PIK3R1: variants seen among roughly 807,000 people sequenced by gnomAD.
The protein encoded by PIK3R1 is phosphatidylinositol 3-kinase regulatory subunit alpha.
A neutral mutation model predicts 98.0 loss-of-function variants in PIK3R1; 29 were observed. That is an observed-to-expected ratio of 0.30 (90% CI 0.22 to 0.40). The LOEUF (loss-of-function observed/expected upper bound fraction) is 0.40, where lower values mean the gene tolerates loss of function less well. PIK3R1 is among the 10% of genes least tolerant of loss of function. The probability of loss-of-function intolerance (pLI) is 1.00; values close to 1 mark genes in which losing one functional copy is unlikely to be tolerated. For synonymous variants in PIK3R1, 282 were observed against 311.8 expected (o/e 0.90, Z 1.01); for missense variants, 596 against 872.7 (o/e 0.68, Z 3.99).
In PIK3R1 at chr5:68,301,424, A is replaced by ATT. The variant is rs1419781409; in HGVS notation, c.*3824_*3825insTT. 1 of 84,850 alleles carries ATT rather than the reference A, an allele frequency of 1.2e-5. No homozygotes were observed. The highest frequency in any genetic ancestry group is 5.2e-5 in the African/African-American group (1 of 19,172). The allele number at this position is 84,850 out of a possible 1,614,324, so 5.3% of individuals were successfully genotyped here. A position where few individuals can be genotyped will look rare whatever the true frequency, so the allele number is the denominator to read the frequency against. On this transcript the variant is annotated 3_prime_UTR_variant, in exon 16 of 16. Transcript: ENST00000521381. ...TATATATATATATATATATATATAT[A>ATT]TATATATATGTGTGTGTATATATAT...
At chr5:68,292,004 A>G (rs774211934) in intron 7 of PIK3R1, 11 of 312,198 alleles carry the variant, frequency 3.5e-5, no homozygotes, top group Non-Finnish European at 5.9e-5. Flanking sequence ...ATTTATTCAC[A>G]TGGCCAGCCC....
rs567912914 is a variant in PIK3R1, at chr5:68,252,307, T to G, written c.335-21083T>G. Among the ~76,000 whole-genome samples the G allele has an allele frequency of 1.2e-4, 18 of 151,940 alleles. No individual in the cohort carries two copies. The South Asian group carries it at 3.5e-3, about 30-fold the overall frequency. On this transcript the variant is annotated intron_variant, in intron 2 of 15. Coordinates refer to ENST00000521381, the MANE Select transcript of PIK3R1 (RefSeq NM_181523.3). The stretch of plus-strand genomic sequence containing the variant: ...ATTACTCCGCTGCCTTAGGAGATGC[T>G]GTTTAAGTTGGCAGATATGCTTATT...
intron 7 of PIK3R1, among the ~76,000 whole-genome samples, chr5:68,290,185 CAGG>C (rs1379747271): frequency 2.6e-5 from 4 of 152,094 alleles, no homozygotes; most frequent in Admixed American, 2.0e-4. Flanking sequence ...ACTAAAATAC[CAGG>C]AGTAGTCCGT....
chr5:68,235,258 C>T (rs1176305432), intron 2 of PIK3R1, among the ~76,000 whole-genome samples: 1 of 151,872 alleles, frequency 6.6e-6, no homozygotes, highest in Non-Finnish European at 1.5e-5. Flanking sequence ...CAAAAATTAG[C>T]TGGGTGTGAT....
At chr5:68,262,493 T>C (rs1490730501) in intron 2 of PIK3R1, among the ~76,000 whole-genome samples, 1 of 140,146 alleles carries the variant, frequency 7.1e-6, no homozygotes, top group African/African-American at 2.6e-5. Context: ...TCTATATGTA[T>C]ACATATATCT....
chr5:68,268,401 T>A (rs1348942972), intron 2 of PIK3R1, among the ~76,000 whole-genome samples: 1 of 152,166 alleles, frequency 6.6e-6, no homozygotes, highest in Non-Finnish European at 1.5e-5. Flanking sequence ...AAGTTCAGGG[T>A]GTTAATCATT....
intron 2 of PIK3R1, among the ~76,000 whole-genome samples, chr5:68,257,274 CT>C (rs763260435): frequency 2.0e-5 from 3 of 152,242 alleles, no homozygotes; most frequent in South Asian, 2.1e-4. Context: ...TTCACCCTGT[CT>C]TGTCTACCAA....
chr5:68,259,859 G>A (rs1359881880), intron 2 of PIK3R1, among the ~76,000 whole-genome samples: 1 of 152,104 alleles, frequency 6.6e-6, no homozygotes, highest in Non-Finnish European at 1.5e-5. Flanking sequence ...CTCTTGGAAG[G>A]GAGCTGCCTT....
At chr5:68,228,567 GATAC>G (rs1323744030) in intron 2 of PIK3R1, among the ~76,000 whole-genome samples, 8 of 152,234 alleles carry the variant, frequency 5.3e-5, no homozygotes, top group African/African-American at 1.9e-4. Context: ...GCAGATTGAA[GATAC>G]ATACGTAATC....
chr5:68,282,256 A>G (rs1056240309), intron 7 of PIK3R1, among the ~76,000 whole-genome samples: 6 of 152,194 alleles, frequency 3.9e-5, no homozygotes, highest in African/African-American at 1.4e-4. Context: ...GTGAGTACAC[A>G]GGTCACTGTG....
intron 2 of PIK3R1, among the ~76,000 whole-genome samples, chr5:68,227,982 C>G (rs1025125385): frequency 6.6e-6 from 1 of 152,246 alleles, no homozygotes; most frequent in Non-Finnish European, 1.5e-5. Context: ...AAGCCTTATG[C>G]TCAGCTTTGC....
chr5:68,236,500 C>T (rs539279775), intron 2 of PIK3R1, among the ~76,000 whole-genome samples: 3 of 152,218 alleles, frequency 2.0e-5, no homozygotes, highest in Admixed American at 1.3e-4. Flanking sequence ...CCGCCCACCT[C>T]GGCCTCCCAA....
chr5:68,217,138 A>G (rs1743915729), intron 1 of PIK3R1, among the ~76,000 whole-genome samples: 1 of 152,138 alleles, frequency 6.6e-6, no homozygotes, highest in African/African-American at 2.4e-5. Context: ...CGAAGTACCA[A>G]TGGATAAAGC....
At chr5:68,269,698 T>C (rs1746268418) in intron 2 of PIK3R1, among the ~76,000 whole-genome samples, 1 of 152,206 alleles carries the variant, frequency 6.6e-6, no homozygotes, top group Admixed American at 6.5e-5. Flanking sequence ...AAAATTAATA[T>C]TTTGTTTTAA....
intron 10 of PIK3R1, 53 bp downstream of exon 10, chr5:68,293,536 TAATACTTAGAAAACATTTGA>T (rs1747506574): frequency 7.0e-7 from 1 of 1,423,792 alleles, no homozygotes; most frequent in African/African-American, 1.4e-5. Flanking sequence ...AAGATCCTTT[TAATACTTAGAAAACATTTGA>T]AGCAGATGAA....
At chr5:68,296,373 C>T (rs1321134966) in intron 15 of PIK3R1, 32 bp downstream of exon 15, 1 of 1,575,712 alleles carries the variant, frequency 6.3e-7, no homozygotes, top group Non-Finnish European at 8.7e-7. Flanking sequence ...TTCTTTACAA[C>T]ATCTCATGAA....
intron 11 of PIK3R1, among the ~76,000 whole-genome samples, chr5:68,294,043 G>C (rs1032862811): frequency 1.1e-4 from 17 of 152,180 alleles, no homozygotes; most frequent in Admixed American, 8.5e-4. Flanking sequence ...TTAAGTTCAC[G>C]TGATAACTGA....
Position 68,280,517 on chromosome 5 carries a change from TA to T in PIK3R1, c.635-8del. 1.3e-6 allele frequency: 2 copies of T among 1,506,660 alleles called. No individual in the cohort carries two copies. Among genetic ancestry groups the T allele is most frequent in the African/African-American group, 1.4e-5 (1 of 71,290 alleles). 93.3% of individuals were successfully genotyped at this position (1,506,660 alleles called of 1,614,324 possible). Reference sequence around the variant, plus strand: ...ACTCATTTCTCTTTTTTTTTTTTTTTAAACTTGTAGAAGTACAAAGCTCCGA... The same window carrying T: ...ACTCATTTCTCTTTTTTTTTTTTTTTAACTTGTAGAAGTACAAAGCTCCGA... On this transcript the variant is annotated splice_polypyrimidine_tract_variant and intron_variant, in intron 5 of 15. Transcript: ENST00000521381.
chr5:68,241,219 GA>G (rs1295833969), intron 2 of PIK3R1, among the ~76,000 whole-genome samples: 4 of 151,218 alleles, frequency 2.6e-5, no homozygotes, highest in East Asian at 1.9e-4. Context: ...AAAATGAGAG[GA>G]AAAAAAATCT....
Sources: allele counts gnomAD v4.1 joint callset (sites outside exome capture counted in the v4.1 genomes callset), GRCh38; gene constraint gnomAD v4.1.1; transcripts MANE v1.5; gene names NCBI Gene and HGNC (gene_info 2026-07-23, HGNC 2026-07-21).